Variants in TTLL4 observed in about 807,000 individuals in gnomAD.
The protein encoded by TTLL4 is tubulin tyrosine ligase like 4.
A neutral mutation model predicts 122.7 loss-of-function variants in TTLL4; 85 were observed. That is an observed-to-expected ratio of 0.69 (90% CI 0.58 to 0.83). The LOEUF is 0.83. Among genes scored for constraint, TTLL4 ranks in the 40% least tolerant of loss-of-function variants. The pLI is 0.00. For synonymous variants in TTLL4, 553 were observed against 563.0 expected, an observed-to-expected ratio of 0.98 and a Z score of 0.25; for missense variants, 1,363 against 1,488.6, an observed-to-expected ratio of 0.92 and a Z score of 1.39.
downstream of TTLL4, among the ~76,000 whole-genome samples, chr2:218,757,543 A>G (rs532164469): frequency 9.8e-5 from 15 of 152,344 alleles, no homozygotes; most frequent in South Asian, 2.9e-3. Context: ...GGGGAGAAGC[A>G]GGGTACAGAA....
intron 18 of TTLL4, 93 bp from the exon 19 acceptor site, chr2:218,753,491 A>C (rs1943079809): frequency 2.4e-6 from 3 of 1,259,260 alleles, no homozygotes; most frequent in Non-Finnish European, 3.5e-6. Flanking sequence ...CCCATGATCC[A>C]TTTAGAGGTA....
At chr2:218,720,326 T>C (rs1941994828) in intron 1 of TTLL4, among the ~76,000 whole-genome samples, 1 of 152,104 alleles carries the variant, frequency 6.6e-6, no homozygotes, top group Non-Finnish European at 1.5e-5. Context: ...AAGACACTAT[T>C]GAAGGGGTTG....
chr2:218,750,299 ATCAGTGACTCTCAAG>A (rs1382281227), intron 15 of TTLL4, among the ~76,000 whole-genome samples, 153 bp downstream of exon 15: 1 of 152,146 alleles, frequency 6.6e-6, no homozygotes, highest in African/African-American at 2.4e-5. Flanking sequence ...ACCATGCCAC[ATCAGTGACTCTCAAG>A]TATGTTCAGT....
chr2:218,731,484 CCTCGCTGAA>C (rs1246662042), intron 2 of TTLL4, among the ~76,000 whole-genome samples: 1 of 152,030 alleles, frequency 6.6e-6, no homozygotes. Context: ...CATTGCTTGT[CCTCGCTGAA>C]GTTTTGTAGT....
chr2:218,720,007 G>A (rs1240843523), intron 1 of TTLL4, among the ~76,000 whole-genome samples: 1 of 152,148 alleles, frequency 6.6e-6, no homozygotes, highest in African/African-American at 2.4e-5. Context: ...TTCCCTTTGG[G>A]GAAATAAAGT....
intron 8 of TTLL4, chr2:218,746,607 C>T (rs1249292694): frequency 2.7e-6 from 1 of 365,444 alleles, no homozygotes; most frequent in Non-Finnish European, 5.1e-6. Context: ...CCTATGATCA[C>T]TGCACATTCC....
At chr2:218,741,551 G>T (rs1306508839) in intron 5 of TTLL4, among the ~76,000 whole-genome samples, 1 of 152,184 alleles carries the variant, frequency 6.6e-6, no homozygotes, top group South Asian at 2.1e-4. Context: ...GGTGGAGACA[G>T]AGCTGTTTGG....
chr2:218,711,559 A>C (rs923949890), intron 1 of TTLL4, among the ~76,000 whole-genome samples: 3 of 152,182 alleles, frequency 2.0e-5, no homozygotes, highest in African/African-American at 7.2e-5. Flanking sequence ...TTAATCATTC[A>C]CTAAACAATT....
intron 1 of TTLL4, among the ~76,000 whole-genome samples, chr2:218,713,440 C>A (rs1941771865): frequency 6.6e-6 from 1 of 152,058 alleles, no homozygotes; most frequent in South Asian, 2.1e-4. Context: ...ACCCATCTGG[C>A]TAATTTTTTA....
intron 2 of TTLL4, among the ~76,000 whole-genome samples, chr2:218,728,974 C>G (rs548551543): frequency 1.4e-5 from 2 of 146,184 alleles, no homozygotes; most frequent in Non-Finnish European, 1.5e-5. Context: ...TTCTTGTTGC[C>G]CAGGCTGGAA....
At position 218,738,861 on chromosome 2, in the gene TTLL4, G is replaced by A. The variant is rs116206429; in HGVS notation, c.1185G>A (p.Ser395=). ...AGTTTCCTCAGGAGGATGCTGGATC[G>A]GTCAGGCGGGTCCTCCCTGGTGCCT... is the stretch of plus-strand genomic sequence containing the variant. ...NQQFPQEDAG[S]VRRVLPGASD... The change falls in exon 3 of 20, where the codon TCG becomes TCA. Residue 395 remains serine (S), a synonymous_variant. Coordinates refer to ENST00000392102, the MANE Select transcript of TTLL4 (RefSeq NM_014640.5). The A allele has an allele frequency of 8.1e-6, 13 of 1,614,082 alleles. No individual in the cohort carries two copies. Among genetic ancestry groups the A allele is most frequent in the East Asian group, 2.2e-5 (1 of 44,898 alleles).
At chr2:218,720,207 C>G (rs1223838930) in intron 1 of TTLL4, among the ~76,000 whole-genome samples, 1 of 151,980 alleles carries the variant, frequency 6.6e-6, no homozygotes, top group Non-Finnish European at 1.5e-5. Context: ...GACGACAAAT[C>G]TGCAAAATGA....
chr2:218,748,375 C>A, intron 12 of TTLL4, 148 bp downstream of exon 12: 1 of 1,295,112 alleles, frequency 7.7e-7, no homozygotes, highest in Non-Finnish European at 1.0e-6. Flanking sequence ...CTATTTGAGG[C>A]CGGATGTGGT....
intron 1 of TTLL4, among the ~76,000 whole-genome samples, chr2:218,716,444 G>C (rs1575156147): frequency 7.4e-6 from 1 of 135,614 alleles, no homozygotes. Context: ...TTATCACACA[G>C]AATATTAAAA....
intron 2 of TTLL4, among the ~76,000 whole-genome samples, chr2:218,735,966 C>CGTT (rs1247478143): frequency 4.0e-5 from 5 of 124,796 alleles, no homozygotes; most frequent in African/African-American, 1.7e-4. Context: ...CCGTGCCCAG[C>CGTT]CTTTTTTTTT....
chr2:218,757,327 T>C (rs759975314), downstream of TTLL4, among the ~76,000 whole-genome samples: 3 of 152,154 alleles, frequency 2.0e-5, no homozygotes, highest in Non-Finnish European at 2.9e-5. Context: ...CACACAAACA[T>C]CACCATTCAC....
chr2:218,752,320 A>C (rs369724944), intron 16 of TTLL4, among the ~76,000 whole-genome samples: 1 of 152,112 alleles, frequency 6.6e-6, no homozygotes, highest in African/African-American at 2.4e-5. Context: ...TGTCTTTACC[A>C]TGTTTTCTGG....
At chr2:218,724,756 T>C (rs1942139716) in intron 1 of TTLL4, among the ~76,000 whole-genome samples, 1 of 152,206 alleles carries the variant, frequency 6.6e-6, no homozygotes, top group African/African-American at 2.4e-5. Context: ...TTGTAACTCC[T>C]CTTTCTTACT....
Position 218,747,009 on chromosome 2 carries a change from C to T in TTLL4, c.1981C>T (p.His661Tyr), listed in dbSNP as rs1360962860. Residue 661 changes from histidine to tyrosine, a missense_variant, in exon 9 of 20, where the codon CAT becomes TAT. By Grantham distance (83) the His-to-Tyr change is moderately conservative. This residue lies in a region of TTLL4 where 7 missense variants were observed against 24.5 expected (regional missense o/e 0.29). Transcript: ENST00000392102. The surrounding 1 kb of genome is among the most constrained non-coding windows in gnomAD (Gnocchi z 4.7). Reference sequence around the variant, plus strand: ...ACCCTTTTCCCTTTTGTAGCTAAACCATTTCCCAGGCTCATTCCAGATTGG... The same window carrying T: ...ACCCTTTTCCCTTTTGTAGCTAAACTATTTCCCAGGCTCATTCCAGATTGG... ...RSIREHQKLN[H>Y]FPGSFQIGRK... is the part of the protein sequence containing the mutation. The T allele has an allele frequency of 1.2e-6, 2 of 1,614,068 alleles. No individual in the cohort carries two copies. Among genetic ancestry groups the T allele is most frequent in the Non-Finnish European group, 1.7e-6 (2 of 1,179,956 alleles).
Sources: gnomAD v4.1 joint callset for allele counts (sites outside exome capture counted in the v4.1 genomes callset) on GRCh38, gnomAD v4.1.1 for gene constraint, gnomAD v4.1.1 regional missense constraint, Gnocchi (gnomAD v3.1) non-coding constraint, MANE v1.5 for transcripts, NCBI Gene and HGNC (gene_info 2026-07-23, HGNC 2026-07-21) for gene names.